Variants in PLD5 observed in about 807,000 individuals in gnomAD.
The protein encoded by PLD5 is inactive phospholipase D5.
PLD5 carries 36 observed loss-of-function variants against 61.1 expected under a neutral mutation model. The observed-to-expected ratio is 0.59, with a 90% CI of 0.45 to 0.78. The LOEUF is 0.78. Among genes scored for constraint, PLD5 ranks in the 30% least tolerant of loss-of-function variants. The pLI, the probability that PLD5 is intolerant of heterozygous loss-of-function variation, is 0.00. For synonymous variants in PLD5, 243 were observed against 242.8 expected, an observed-to-expected ratio of 1.00 and a Z score of -0.01; for missense variants, 515 against 644.4, an observed-to-expected ratio of 0.80 and a Z score of 2.17.
chr1:242,333,858 G>A (rs1008353990), intron 2 of PLD5, among the ~76,000 whole-genome samples: 8 of 151,892 alleles, frequency 5.3e-5, no homozygotes, highest in African/African-American at 1.9e-4. Flanking sequence ...ATATTCCATT[G>A]CATATATATA....
intron 5 of PLD5, among the ~76,000 whole-genome samples, chr1:242,195,299 A>T (rs1382512914): frequency 6.6e-6 from 1 of 152,162 alleles, no homozygotes; most frequent in Non-Finnish European, 1.5e-5. Flanking sequence ...CACCTCTGAG[A>T]AGTCTATGTG....
intron 5 of PLD5, among the ~76,000 whole-genome samples, chr1:242,148,599 G>A (rs930697454): frequency 2.0e-5 from 3 of 151,836 alleles, no homozygotes; most frequent in African/African-American, 4.8e-5. Context: ...TAACAATATA[G>A]CATTTTCTAA....
intron 5 of PLD5, among the ~76,000 whole-genome samples, chr1:242,160,613 G>C (rs1347063708): frequency 6.6e-6 from 1 of 152,188 alleles, no homozygotes; most frequent in African/African-American, 2.4e-5. Flanking sequence ...TTGGCCGAGT[G>C]TGGTGGCTCT....
chr1:242,435,983 A>G (rs922874194), intron 1 of PLD5, among the ~76,000 whole-genome samples: 11 of 152,196 alleles, frequency 7.2e-5, no homozygotes, highest in Non-Finnish European at 1.3e-4. Flanking sequence ...ACCTGCACAC[A>G]GTGGATCCTC....
At chr1:242,223,091 A>G (rs969109417) in intron 4 of PLD5, among the ~76,000 whole-genome samples, 6 of 152,284 alleles carry the variant, frequency 3.9e-5, no homozygotes, top group Non-Finnish European at 8.8e-5. Flanking sequence ...GCATTGGCAG[A>G]TTCGGTGTCT....
intron 2 of PLD5, among the ~76,000 whole-genome samples, chr1:242,289,644 T>A (rs1002140985): frequency 6.6e-6 from 1 of 152,120 alleles, no homozygotes; most frequent in Non-Finnish European, 1.5e-5. Context: ...CATGAGCCAC[T>A]GCACCCAGCC....
intron 7 of PLD5, among the ~76,000 whole-genome samples, chr1:242,113,338 C>T (rs1019511245): frequency 6.6e-6 from 1 of 152,056 alleles, no homozygotes; most frequent in Non-Finnish European, 1.5e-5. Flanking sequence ...CGTGATCCGC[C>T]CGCCTCGGCC....
chr1:242,428,165 C>T (rs2102883918), intron 1 of PLD5, among the ~76,000 whole-genome samples: 1 of 152,296 alleles, frequency 6.6e-6, no homozygotes, highest in Non-Finnish European at 1.5e-5. Context: ...GCTGAAACCT[C>T]CTCCAAGAAA....
At chr1:242,481,182 C>A (rs752368646) in intron 1 of PLD5, among the ~76,000 whole-genome samples, 3 of 152,210 alleles carry the variant, frequency 2.0e-5, no homozygotes, top group Non-Finnish European at 4.4e-5. Flanking sequence ...GTACCAGGTT[C>A]ATCTCACTGG....
intron 7 of PLD5, among the ~76,000 whole-genome samples, chr1:242,109,365 C>G (rs954075067): frequency 6.6e-6 from 1 of 152,204 alleles, no homozygotes; most frequent in Non-Finnish European, 1.5e-5. Context: ...GTAATCCCAG[C>G]TACTCGGGAG....
At chr1:242,137,691 G>A (rs1193124975) in intron 5 of PLD5, among the ~76,000 whole-genome samples, 1 of 152,096 alleles carries the variant, frequency 6.6e-6, no homozygotes, top group African/African-American at 2.4e-5. Flanking sequence ...GAGCAGCAGG[G>A]CAATAGGATC....
intron 4 of PLD5, among the ~76,000 whole-genome samples, chr1:242,249,283 C>T (rs1008272931): frequency 9.2e-5 from 14 of 152,176 alleles, no homozygotes; most frequent in African/African-American, 3.1e-4. Context: ...TTTGCCCTTC[C>T]ACCTTCTGCC....
chr1:242,505,472 T>C (rs1228194705), intron 1 of PLD5, among the ~76,000 whole-genome samples: 2 of 152,222 alleles, frequency 1.3e-5, no homozygotes, highest in Non-Finnish European at 2.9e-5. Flanking sequence ...GGAATCAACC[T>C]AAGTGTCCAT....
At chr1:242,287,813 C>A (rs1330876493) in intron 3 of PLD5, among the ~76,000 whole-genome samples, 1 of 152,142 alleles carries the variant, frequency 6.6e-6, no homozygotes, top group African/African-American at 2.4e-5. Context: ...AAAGGTAGTT[C>A]TCCGAGCCTT....
intron 5 of PLD5, among the ~76,000 whole-genome samples, chr1:242,132,215 A>G (rs572505762): frequency 5.7e-5 from 4 of 69,614 alleles, no homozygotes; most frequent in Non-Finnish European, 1.2e-4. Flanking sequence ...GGGCGGAATC[A>G]TTTTTAGCTA....
At position 242,089,787 on chromosome 1, in the gene PLD5, T is replaced by C; in HGVS notation, c.*67A>G. The C allele has an allele frequency of 1.3e-6, 2 of 1,581,334 alleles. No homozygotes were observed. On this transcript the variant is annotated 3_prime_UTR_variant, in exon 10 of 10. Transcript: ENST00000536534. The stretch of plus-strand genomic sequence containing the variant: ...AAAAAGAGACATATTAAAGTGTTTT[T>C]TCTCTCCTCAAGTCCTTTATGTATA...
chr1:242,315,065 C>T (rs1201448755), intron 2 of PLD5, among the ~76,000 whole-genome samples: 1 of 152,198 alleles, frequency 6.6e-6, no homozygotes, highest in African/African-American at 2.4e-5. Context: ...TATTCTAACA[C>T]ACAGCCAGAC....
At chr1:242,154,555 G>A (rs546135727) in intron 5 of PLD5, among the ~76,000 whole-genome samples, 1 of 152,068 alleles carries the variant, frequency 6.6e-6, no homozygotes, top group Non-Finnish European at 1.5e-5. Flanking sequence ...TAGCACGAAG[G>A]GGTGTTGAAT....
chr1:242,126,093 G>T (rs533975675), intron 5 of PLD5, among the ~76,000 whole-genome samples: 2 of 152,108 alleles, frequency 1.3e-5, no homozygotes, highest in Admixed American at 6.6e-5. Context: ...GGCATATCAG[G>T]CATGTGCAAA....
Sources: gnomAD v4.1 joint callset for allele counts (sites outside exome capture counted in the v4.1 genomes callset) on GRCh38, gnomAD v4.1.1 for gene constraint, MANE v1.5 for transcripts, NCBI Gene and HGNC (gene_info 2026-07-23, HGNC 2026-07-21) for gene names.